Variants in GAP43 observed in about 807,000 individuals in gnomAD.
GAP43 encodes the protein neuromodulin.
In GAP43, 6 loss-of-function variants were observed where a neutral mutation model predicts 18.6. The observed-to-expected ratio is 0.32, with a 90% CI of 0.18 to 0.64. GAP43 has a LOEUF of 0.64. GAP43 is among the 30% of genes least tolerant of loss of function. GAP43 has a pLI of 0.78. For synonymous variants in GAP43, 115 were observed against 111.4 expected (o/e 1.03, Z -0.20); for missense variants, 292 against 295.5 (o/e 0.99, Z 0.09).
intron 1 of GAP43, among the ~76,000 whole-genome samples, chr3:115,659,267 G>C (rs1576985322): frequency 6.6e-6 from 1 of 152,154 alleles, no homozygotes; most frequent in African/African-American, 2.4e-5. Flanking sequence ...GAAAACAATG[G>C]CCTTTCATGA....
At chr3:115,684,465 C>T (rs993597666) in intron 2 of GAP43, among the ~76,000 whole-genome samples, 1 of 152,134 alleles carries the variant, frequency 6.6e-6, no homozygotes, top group Non-Finnish European at 1.5e-5. Flanking sequence ...GTAGTATACC[C>T]TTCTGCCAAT....
chr3:115,696,189 C>T (rs904812838), intron 2 of GAP43, among the ~76,000 whole-genome samples: 9 of 152,120 alleles, frequency 5.9e-5, no homozygotes, highest in Admixed American at 2.0e-4. Flanking sequence ...ATAGATACCT[C>T]AAATTAAATC....
chr3:115,650,558 C>T (rs1708509221), intron 1 of GAP43, among the ~76,000 whole-genome samples: 1 of 152,024 alleles, frequency 6.6e-6, no homozygotes, highest in Non-Finnish European at 1.5e-5. Context: ...CTCCCCATTC[C>T]CACTTCCATC....
intron 1 of GAP43, among the ~76,000 whole-genome samples, chr3:115,646,541 G>A (rs1007519358): frequency 6.6e-6 from 1 of 152,040 alleles, no homozygotes; most frequent in Non-Finnish European, 1.5e-5. Context: ...ATAGGTGGGG[G>A]TTCAGAAGGG....
intron 1 of GAP43, among the ~76,000 whole-genome samples, chr3:115,632,727 A>G (rs1438618745): frequency 5.3e-5 from 8 of 152,198 alleles, no homozygotes; most frequent in Non-Finnish European, 1.2e-4. Context: ...AGTATTGTAC[A>G]TATTTTCCCA....
At chr3:115,701,009 G>T (rs1709290993) in intron 2 of GAP43, among the ~76,000 whole-genome samples, 1 of 152,082 alleles carries the variant, frequency 6.6e-6, no homozygotes, top group African/African-American at 2.4e-5. Flanking sequence ...TTTAAATTTA[G>T]TACACTTTCC....
intron 1 of GAP43, among the ~76,000 whole-genome samples, chr3:115,660,517 G>A (rs563114991): frequency 6.6e-6 from 1 of 152,346 alleles, no homozygotes; most frequent in Admixed American, 6.5e-5. Flanking sequence ...CTTTCATAAA[G>A]TTGGAGTCAG....
chr3:115,699,792 A>C (rs1185720571), intron 2 of GAP43, among the ~76,000 whole-genome samples: 2 of 152,212 alleles, frequency 1.3e-5, no homozygotes, highest in African/African-American at 4.8e-5. Context: ...AAACAGTGCC[A>C]CTAGTCTATT....
chr3:115,659,675 A>G (rs1708632901), intron 1 of GAP43, among the ~76,000 whole-genome samples: 1 of 152,180 alleles, frequency 6.6e-6, no homozygotes, highest in African/African-American at 2.4e-5. Flanking sequence ...TCTTAGGGTC[A>G]GAATGGGTCC....
At chr3:115,709,716 T>TA (rs1280942434) in intron 2 of GAP43, among the ~76,000 whole-genome samples, 1 of 152,176 alleles carries the variant, frequency 6.6e-6, no homozygotes, top group African/African-American at 2.4e-5. Flanking sequence ...AGTAGCTTTT[T>TA]AAAATGCTAA....
intron 1 of GAP43, among the ~76,000 whole-genome samples, chr3:115,670,873 T>C (rs555871631): frequency 4.1e-4 from 63 of 152,362 alleles, no homozygotes; most frequent in African/African-American, 1.5e-3. Flanking sequence ...AAAATAACTT[T>C]GCTTGATCAA....
chr3:115,666,812 A>G (rs1248065049), intron 1 of GAP43, among the ~76,000 whole-genome samples: 1 of 152,212 alleles, frequency 6.6e-6, no homozygotes. Context: ...GGGCTTTGTC[A>G]TTCAGAAGCT....
intron 1 of GAP43, among the ~76,000 whole-genome samples, chr3:115,666,599 C>T (rs1708737044): frequency 6.6e-6 from 1 of 152,128 alleles, no homozygotes; most frequent in African/African-American, 2.4e-5. Context: ...TGCATTAACT[C>T]ATTTGATTCT....
intron 2 of GAP43, among the ~76,000 whole-genome samples, chr3:115,680,263 C>G (rs182991904): frequency 6.6e-6 from 1 of 152,214 alleles, no homozygotes; most frequent in East Asian, 1.9e-4. Flanking sequence ...TTGAGACCAG[C>G]CTGGGCAACA....
chr3:115,630,625 G>A (rs1576975561), intron 1 of GAP43, among the ~76,000 whole-genome samples: 1 of 152,306 alleles, frequency 6.6e-6, no homozygotes, highest in Middle Eastern at 3.4e-3. Context: ...AGTGAAGTTT[G>A]TCTTCAACTG....
At chr3:115,714,719 T>A (rs1709481455) in intron 2 of GAP43, among the ~76,000 whole-genome samples, 1 of 151,866 alleles carries the variant, frequency 6.6e-6, no homozygotes, top group Admixed American at 6.6e-5. Flanking sequence ...TTTTTTTTTT[T>A]TAGACACATT....
chr3:115,662,557 T>A (rs1708676645), intron 1 of GAP43, among the ~76,000 whole-genome samples: 1 of 152,194 alleles, frequency 6.6e-6, no homozygotes, highest in Non-Finnish European at 1.5e-5. Context: ...TTCCTAGTCT[T>A]GGGTATAATT....
intron 2 of GAP43, among the ~76,000 whole-genome samples, chr3:115,678,094 C>G (rs1247732951): frequency 6.6e-6 from 1 of 152,062 alleles, no homozygotes; most frequent in Admixed American, 6.6e-5. Context: ...GGAATTTTTC[C>G]CTGGAAAAGG....
intron 1 of GAP43, among the ~76,000 whole-genome samples, chr3:115,667,472 T>G (rs1367409316): frequency 1.3e-5 from 2 of 152,194 alleles, no homozygotes; most frequent in African/African-American, 4.8e-5. Flanking sequence ...CAATCATTAT[T>G]TGTTATAGTA....
Sources: gnomAD v4.1 joint callset for allele counts (sites outside exome capture counted in the v4.1 genomes callset) on GRCh38, gnomAD v4.1.1 for gene constraint, MANE v1.5 for transcripts, NCBI Gene and HGNC (gene_info 2026-07-23, HGNC 2026-07-21) for gene names.